The following SNX18 variants were observed in gnomAD, a reference collection of about 807,000 sequenced individuals.
SNX18 encodes sorting nexin-18.
Under a neutral mutation model 48.7 loss-of-function variants are expected in SNX18, and 35 were observed. That is an observed-to-expected ratio of 0.72 (90% CI 0.55 to 0.95). The LOEUF is 0.95. Ranked by LOEUF, SNX18 falls within the 40% of genes least tolerant of loss-of-function variation. The pLI is 0.00. For missense variants in SNX18, 824 were observed against 871.0 expected (o/e 0.95, Z 0.68); for synonymous variants, 492 against 384.7 (o/e 1.28, Z -3.26).
intron 1 of SNX18, among the ~76,000 whole-genome samples, chr5:54,536,552 C>T (rs533306558): frequency 3.3e-5 from 5 of 152,236 alleles, no homozygotes; most frequent in South Asian, 2.1e-4. Context: ...CTACAAAGGA[C>T]GTGAACTCAT....
At chr5:54,632,628 G>C in the SNX18 span, among the ~76,000 whole-genome samples, 240 of 152,226 alleles carry the variant, frequency 1.6e-3, 2 homozygotes, top group African/African-American at 5.4e-3. Flanking sequence ...CACACCGGGA[G>C]CTGTGGGCTC....
the SNX18 span, among the ~76,000 whole-genome samples, chr5:54,552,533 C>T: frequency 6.0e-4 from 92 of 152,214 alleles, 2 homozygotes; most frequent in Admixed American, 6.5e-5. Flanking sequence ...ACCAAATCAT[C>T]GTCATCTAAA....
chr5:54,647,451 G>T, the SNX18 span, among the ~76,000 whole-genome samples: 9 of 152,192 alleles, frequency 5.9e-5, no homozygotes, highest in African/African-American at 1.7e-4. Flanking sequence ...TCACCTAGAG[G>T]AGAGGAAAGA....
the SNX18 span, among the ~76,000 whole-genome samples, chr5:54,610,542 T>A: frequency 6.6e-6 from 1 of 152,216 alleles, no homozygotes; most frequent in Non-Finnish European, 1.5e-5. Flanking sequence ...ATTCAGATGC[T>A]TCCCCTCTTG....
At chr5:54,547,182 G>T (rs1409779427), downstream of SNX18, among the ~76,000 whole-genome samples, 2 of 152,208 alleles carry the variant, frequency 1.3e-5, no homozygotes, top group African/African-American at 4.8e-5. Context: ...ACCAGTGATG[G>T]ACATCTGGAC....
chr5:54,537,581 C>T (rs2111579609), intron 1 of SNX18, among the ~76,000 whole-genome samples: 1 of 152,176 alleles, frequency 6.6e-6, no homozygotes, highest in East Asian at 1.9e-4. Flanking sequence ...ATGTTTTTGA[C>T]CTTAAACTTC....
chr5:54,567,228 T>C, the SNX18 span, among the ~76,000 whole-genome samples: 2 of 151,874 alleles, frequency 1.3e-5, no homozygotes, highest in East Asian at 1.9e-4. Context: ...TGTGTGTGTG[T>C]GCGTGTGTGT....
the SNX18 span, among the ~76,000 whole-genome samples, chr5:54,596,372 A>T: frequency 6.6e-6 from 1 of 152,160 alleles, no homozygotes; most frequent in Admixed American, 6.5e-5. Context: ...GAGCATCCTG[A>T]TGGAGGAAAA....
rs1421592383 is a variant in SNX18, at chr5:54,519,325, C to T, written c.1373C>T (p.Thr458Ile). 1.9e-6 allele frequency: 3 copies of T among 1,613,630 alleles called. No homozygotes were observed. The highest frequency in any genetic ancestry group is 1.1e-5 in the South Asian group (1 of 91,058). Residue 458 changes from threonine to isoleucine, a missense_variant, in exon 1 of 2, where the codon ACC becomes ATC. Transcript: ENST00000381410. ...AACGAGTTCGCGCGCAAGCAGGTGA[C>T]CGGCTTCAAAAAGGAGTATCAGAAG... is the stretch of plus-strand genomic sequence containing the variant. The part of the protein sequence containing the change: ...TANEFARKQV[T>I]GFKKEYQKVG...
intron 1 of SNX18, among the ~76,000 whole-genome samples, chr5:54,534,042 A>G (rs1290389767): frequency 6.6e-6 from 1 of 152,052 alleles, no homozygotes; most frequent in East Asian, 1.9e-4. Flanking sequence ...GTGCCAGGGA[A>G]TGAAGAAAAA....
At chr5:54,521,973 T>A (rs1762040697) in intron 1 of SNX18, among the ~76,000 whole-genome samples, 1 of 152,210 alleles carries the variant, frequency 6.6e-6, no homozygotes, top group African/African-American at 2.4e-5. Context: ...CTTAACAGAT[T>A]CAAGAGCACT....
At chr5:54,538,217 A>G (rs1051813516) in intron 1 of SNX18, among the ~76,000 whole-genome samples, 1 of 152,202 alleles carries the variant, frequency 6.6e-6, no homozygotes, top group African/African-American at 2.4e-5. Context: ...TAATAATACT[A>G]TTTCACTCAC....
chr5:54,577,478 A>G, the SNX18 span, among the ~76,000 whole-genome samples: 1 of 151,748 alleles, frequency 6.6e-6, no homozygotes, highest in Admixed American at 6.6e-5. Context: ...TCCTAGGTCT[A>G]CGGCTTTTGC....
the SNX18 span, among the ~76,000 whole-genome samples, chr5:54,617,725 T>C: frequency 6.6e-6 from 1 of 152,120 alleles, no homozygotes; most frequent in Admixed American, 6.6e-5. Context: ...CCCCTCTCTC[T>C]TTTTCTTTTT....
At chr5:54,623,700 T>C in the SNX18 span, among the ~76,000 whole-genome samples, 1 of 152,296 alleles carries the variant, frequency 6.6e-6, no homozygotes, top group East Asian at 1.9e-4. Context: ...GGAGCTAGAC[T>C]TCCCCAAAAT....
chr5:54,530,909 A>G (rs979365114), intron 1 of SNX18, among the ~76,000 whole-genome samples: 4 of 151,326 alleles, frequency 2.6e-5, no homozygotes, highest in African/African-American at 7.3e-5. Flanking sequence ...CCGCCACCAC[A>G]CCCAGCTAAT....
At chr5:54,606,565 C>T in the SNX18 span, among the ~76,000 whole-genome samples, 5 of 152,288 alleles carry the variant, frequency 3.3e-5, no homozygotes, top group East Asian at 9.7e-4. Context: ...TGCTCTTCGT[C>T]CCACCCCAGA....
At chr5:54,578,941 T>C in the SNX18 span, among the ~76,000 whole-genome samples, 1 of 152,236 alleles carries the variant, frequency 6.6e-6, no homozygotes, top group Non-Finnish European at 1.5e-5. Flanking sequence ...TGTTCCCTCA[T>C]ACTTACACCT....
At chr5:54,523,759 C>T (rs1762076586) in intron 1 of SNX18, among the ~76,000 whole-genome samples, 1 of 152,154 alleles carries the variant, frequency 6.6e-6, no homozygotes, top group African/African-American at 2.4e-5. Flanking sequence ...AGAATTTCAC[C>T]ATTGTGCTTC....
Sources: gnomAD v4.1 joint callset for allele counts (sites outside exome capture counted in the v4.1 genomes callset) on GRCh38, gnomAD v4.1.1 for gene constraint, MANE v1.5 for transcripts, NCBI Gene and HGNC (gene_info 2026-07-23, HGNC 2026-07-21) for gene names.